Variants in C5 observed in about 807,000 individuals in gnomAD.
C5 encodes complement C5.
C5 carries 140 observed loss-of-function variants against 218.8 expected under a neutral mutation model. The observed-to-expected ratio is 0.64, with a 90% confidence interval of 0.56 to 0.74. C5 has a LOEUF of 0.74. Ranked by LOEUF, C5 falls within the 30% of genes least tolerant of loss-of-function variation. C5 has a pLI of 0.00. For synonymous variants in C5, 614 were observed against 682.3 expected (o/e 0.90, Z 1.56); for missense variants, 1,700 against 1,969.6 (o/e 0.86, Z 2.59).
At chr9:121,073,242 A>G in the C5 span, among the ~76,000 whole-genome samples, 1 of 152,158 alleles carries the variant, frequency 6.6e-6, no homozygotes, top group Non-Finnish European at 1.5e-5. Flanking sequence ...TTCCAGCCAC[A>G]CTGAATTACT....
the C5 span, among the ~76,000 whole-genome samples, chr9:121,073,225 T>C: frequency 6.6e-6 from 1 of 152,236 alleles, no homozygotes; most frequent in Admixed American, 6.5e-5. Context: ...TCCATACTCA[T>C]GTTTTGTTCC....
intron 29 of C5, 48 bp downstream of exon 29, chr9:120,976,652 A>C (rs1170445683): frequency 6.7e-7 from 1 of 1,486,462 alleles, no homozygotes; most frequent in Non-Finnish European, 9.4e-7. Flanking sequence ...GGTGGGGGAG[A>C]AAATAAAAAT....
At chr9:121,015,336 T>G in intron 15 of C5, 75 bp from the exon 16 acceptor site, 1 of 940,952 alleles carries the variant, frequency 1.1e-6, no homozygotes, top group Non-Finnish European at 1.7e-6. Flanking sequence ...TCCATGAAAC[T>G]ATTTAAGTAT....
At chr9:121,041,581 G>T (rs1012012451) in intron 3 of C5, among the ~76,000 whole-genome samples, 1 of 152,034 alleles carries the variant, frequency 6.6e-6, no homozygotes, top group Non-Finnish European at 1.5e-5. Context: ...GGGATTACAG[G>T]CATGAGACAT....
At position 120,953,710 on chromosome 9, in the gene C5, G is replaced by A. The variant is rs770261017; in HGVS notation, c.4901+20C>T. On this transcript the variant is annotated intron_variant, in intron 40 of 40. Transcript: ENST00000223642. ...AGTTTTGGAGGGAAGATCAGTGACT[G>A]AAAAATATTGGTGACTTACCTGAAA... 13 of 1,613,136 alleles carry A rather than the reference G, an allele frequency of 8.1e-6. No homozygotes were observed. Among genetic ancestry groups the A allele is most frequent in the Non-Finnish European group, 1.1e-5 (13 of 1,179,206 alleles).
chr9:121,033,876 T>G (rs1259861905), intron 5 of C5, among the ~76,000 whole-genome samples: 2 of 151,008 alleles, frequency 1.3e-5, no homozygotes, highest in Non-Finnish European at 2.9e-5. Context: ...CTTCCCTCCT[T>G]CCTTCCTCCC....
At chr9:121,042,852 T>C (rs951282638) in intron 3 of C5, 152 bp downstream of exon 3, 59 of 534,662 alleles carry the variant, frequency 1.1e-4, no homozygotes, top group Middle Eastern at 4.7e-4. Context: ...ATTAAATATT[T>C]GTAAGTATAG....
In C5 at chr9:121,016,251, T is replaced by A. The variant is rs1410015079; in HGVS notation, c.1996+3A>T. ...TCAGTAATAAACATGCTGAGCATTT[T>A]ACCATTTTCTTGGGAGTCATCTGCA... On this transcript the variant is annotated splice_donor_region_variant and intron_variant, in intron 15 of 40. Coordinates refer to ENST00000223642, the MANE Select transcript of C5 (RefSeq NM_001735.3). 2 of 1,613,874 alleles carry A rather than the reference T, an allele frequency of 1.2e-6. No individual in the cohort carries two copies. The highest frequency in any genetic ancestry group is 1.3e-5 in the African/African-American group (1 of 74,912).
chr9:121,015,395 G>C (rs1283813427), intron 15 of C5, 134 bp from the exon 16 acceptor site: 1 of 651,366 alleles, frequency 1.5e-6, no homozygotes, highest in African/African-American at 1.8e-5. Context: ...GGGCTGCTTT[G>C]GATTAGGAAC....
Position 120,963,659 on chromosome 9 carries a change from C to T in C5, c.4300G>A (p.Ala1434Thr). The change falls in exon 34 of 41, where the codon GCA (alanine) becomes ACA (threonine). Residue 1434 changes from alanine to threonine, a missense_variant. By Grantham distance (58) the Ala-to-Thr change is moderately conservative. Coordinates refer to ENST00000223642, the MANE Select transcript of C5 (RefSeq NM_001735.3). Reference protein sequence around the residue: ...MDISLPTGISANEEDLKALVE... With the variant: ...MDISLPTGISTNEEDLKALVE... ...ACGGCTTTTAAGTCTTCTTCATTTG[C>T]ACTGATTCCAGTAGGCAAGGAGATG... is the stretch of plus-strand genomic sequence containing the variant. 1 of 1,613,240 alleles carries T rather than the reference C, an allele frequency of 6.2e-7. No homozygotes were observed. The highest frequency in any genetic ancestry group is 1.1e-5 in the South Asian group (1 of 91,046).
chr9:121,061,530 A>G, the C5 span, among the ~76,000 whole-genome samples: 19,784 of 152,284 alleles, frequency 0.13, 1,415 homozygotes, highest in East Asian at 0.18. Flanking sequence ...CCTGGGCTAC[A>G]GAGCAAGACT....
the C5 span, among the ~76,000 whole-genome samples, chr9:121,066,660 C>T: frequency 6.6e-6 from 1 of 150,542 alleles, no homozygotes; most frequent in African/African-American, 2.4e-5. Flanking sequence ...GACTGGCCAA[C>T]ATGATGAAAC....
chr9:121,017,320 C>T lies in C5; in HGVS notation c.1866+42G>A, dbSNP rs764664505. ...TTCCTCCATATCCTAGCCTGGTGGCCACACTTCATGCAACACTGCAGCGAG... is the reference window on the plus strand; with the variant it reads ...TTCCTCCATATCCTAGCCTGGTGGCTACACTTCATGCAACACTGCAGCGAG... On this transcript the variant is annotated intron_variant, in intron 14 of 40. Coordinates refer to ENST00000223642, the MANE Select transcript of C5 (RefSeq NM_001735.3). 8.7e-6 allele frequency: 14 copies of T among 1,611,310 alleles called. No homozygotes were observed. The East Asian group carries it at 3.1e-4, about 36-fold the overall frequency.
intron 19 of C5, 96 bp from the exon 20 acceptor site, chr9:121,006,154 G>T: frequency 8.3e-7 from 1 of 1,208,888 alleles, no homozygotes; most frequent in Non-Finnish European, 1.2e-6. Context: ...TTACTTCAAG[G>T]AAAAAATAAT....
chr9:120,970,474 C>T (rs996650474), intron 31 of C5, among the ~76,000 whole-genome samples: 5 of 152,140 alleles, frequency 3.3e-5, no homozygotes, highest in South Asian at 2.1e-4. Flanking sequence ...GACTTCTGGC[C>T]GGTCAGAAGC....
the C5 span, among the ~76,000 whole-genome samples, chr9:121,067,486 C>T: frequency 6.6e-6 from 1 of 151,132 alleles, no homozygotes; most frequent in Non-Finnish European, 1.5e-5. Flanking sequence ...ATCACTTGAA[C>T]TCGGGGGGTG....
intron 10 of C5, 31 bp from the exon 11 acceptor site, chr9:121,021,725 A>G: frequency 6.5e-7 from 1 of 1,528,350 alleles, no homozygotes; most frequent in Non-Finnish European, 9.1e-7. Context: ...AATCTATTTC[A>G]ACAGCTCATC....
chr9:121,037,939 ACT>A lies in C5; in HGVS notation c.432_433del (p.Arg144SerfsTer6). On this transcript the variant is annotated frameshift_variant, in exon 4 of 41. Coordinates refer to ENST00000223642, the MANE Select transcript of C5 (RefSeq NM_001735.3). LOFTEE classifies it high-confidence loss of function. Reference sequence around the variant, plus strand: ...CTTCAAGTCGTCATTCAACGAATAAACTCTAACTTTTACTGTAAGAATAATTG... The same window carrying A: ...CTTCAAGTCGTCATTCAACGAATAAACTAACTTTTACTGTAAGAATAATTG... 2.0e-6 allele frequency: 3 copies of A among 1,510,002 alleles called. No homozygotes were observed. The highest frequency in any genetic ancestry group is 2.7e-6 in the Non-Finnish European group (3 of 1,098,656). 93.5% of individuals were successfully genotyped at this position (1,510,002 alleles called of 1,614,324 possible).
At chr9:120,953,592 G>T in intron 40 of C5, 138 bp downstream of exon 40, 2 of 910,918 alleles carry the variant, frequency 2.2e-6, no homozygotes, top group South Asian at 1.4e-5. Context: ...ATCATTCTTT[G>T]CTTGACATTA....
Sources: gnomAD v4.1 joint callset for allele counts (sites outside exome capture counted in the v4.1 genomes callset) on GRCh38, gnomAD v4.1.1 for gene constraint, MANE v1.5 for transcripts, NCBI Gene and HGNC (gene_info 2026-07-23, HGNC 2026-07-21) for gene names.